SOS1: variants seen among roughly 807,000 people sequenced by gnomAD.
SOS1 encodes the protein son of sevenless homolog 1.
In SOS1, 25 loss-of-function variants were observed where a neutral mutation model predicts 157.6. The observed-to-expected ratio is 0.16, with a 90% confidence interval of 0.12 to 0.22. The LOEUF is 0.22. Ranked by LOEUF, SOS1 falls within the 10% of genes least tolerant of loss-of-function variation. The pLI, the probability that SOS1 is intolerant of heterozygous loss-of-function variation, is 1.00. For synonymous variants in SOS1, 528 were observed against 534.0 expected, an observed-to-expected ratio of 0.99 and a Z score of 0.16; for missense variants, 1,237 against 1,599.1, an observed-to-expected ratio of 0.77 and a Z score of 3.86.
rs557803711 is a variant in SOS1 at position 38,990,815 on chromosome 2, T to TA, written c.3347-1502dup. 4.6e-5 allele frequency among the ~76,000 whole-genome samples: 7 copies of TA among 152,336 alleles called. No homozygotes were observed. In the South Asian group the frequency reaches 1.4e-3, roughly 32 times the overall value. On this transcript the variant is annotated intron_variant, in intron 20 of 22. Transcript: ENST00000402219. ...CATGCATTTGGTAAATTTGGGGCAC[T>TA]AGTTGTCTTATTGCCTGGAAAATAC...
At chr2:38,991,609 T>C (rs961316674) in intron 20 of SOS1, among the ~76,000 whole-genome samples, 20 of 152,214 alleles carry the variant, frequency 1.3e-4, no homozygotes, top group African/African-American at 4.3e-4. Flanking sequence ...GAGCAGGGCT[T>C]TGAATGTATG....
intron 6 of SOS1, among the ~76,000 whole-genome samples, chr2:39,041,864 C>G (rs1670584118): frequency 6.6e-6 from 1 of 152,102 alleles, no homozygotes; most frequent in Admixed American, 6.5e-5. Flanking sequence ...TGAAGTTCTA[C>G]TCTTCATTTT....
chr2:39,107,081 CTTT>C (rs148975727), intron 1 of SOS1, among the ~76,000 whole-genome samples: 1 of 148,664 alleles, frequency 6.7e-6, no homozygotes, highest in African/African-American at 2.5e-5. Context: ...TTAAGGCATC[CTTT>C]TTTTTTTCTT....
intron 1 of SOS1, among the ~76,000 whole-genome samples, chr2:39,077,746 T>A (rs1265440498): frequency 6.6e-6 from 1 of 152,080 alleles, no homozygotes; most frequent in Admixed American, 6.6e-5. Flanking sequence ...TCATCCAATA[T>A]ATAGTGCTAG....
chr2:39,101,500 G>A (rs1464483139), intron 1 of SOS1, among the ~76,000 whole-genome samples: 1 of 151,950 alleles, frequency 6.6e-6, no homozygotes, highest in Non-Finnish European at 1.5e-5. Context: ...AGCATTATAT[G>A]TATCCTGACA....
chr2:38,991,730 TTA>T (rs746207337), intron 20 of SOS1, among the ~76,000 whole-genome samples: 4 of 152,220 alleles, frequency 2.6e-5, no homozygotes, highest in Non-Finnish European at 5.9e-5. Flanking sequence ...TCTCCAGTAT[TTA>T]TGTCTTTACC....
At chr2:39,086,293 G>C (rs1372446046) in intron 1 of SOS1, among the ~76,000 whole-genome samples, 1 of 152,116 alleles carries the variant, frequency 6.6e-6, no homozygotes. Context: ...TACAAGTGAA[G>C]GGAAGAGTAA....
chr2:39,107,663 G>GAA lies in SOS1; in HGVS notation c.87+12671_87+12672dup, dbSNP rs11464462. Among the ~76,000 whole-genome samples, 775 of 96,272 alleles carry GAA rather than the reference G, an allele frequency of 8.1e-3. 6 individuals are homozygous for GAA. Among genetic ancestry groups the GAA allele is most frequent in the African/African-American group, 0.022 (672 of 30,688 alleles). 63.2% of individuals were successfully genotyped at this position (96,272 alleles called of 152,430 possible). A position where few individuals can be genotyped will look rare whatever the true frequency, so the allele number is the denominator to read the frequency against. ...TCCCCTTGAAGCATCACACTAAAAA[G>GAA]AAAAAAAAAAAAAAAAAACCTAGCC... On this transcript the variant is annotated intron_variant, in intron 1 of 22. Transcript: ENST00000402219.
rs534107281 is a variant in SOS1, at chr2:39,038,732, C to CAAAAAA, written c.865-3238_865-3233dup. Among the ~76,000 whole-genome samples the CAAAAAA allele has an allele frequency of 1.8e-3, 33 of 18,218 alleles. 4 individuals are homozygous for CAAAAAA. Among genetic ancestry groups the CAAAAAA allele is most frequent in the African/African-American group, 3.9e-3 (16 of 4,052 alleles). 12.0% of individuals were successfully genotyped at this position (18,218 alleles called of 152,430 possible). On this transcript the variant is annotated intron_variant, in intron 6 of 22. Coordinates refer to ENST00000402219, the MANE Select transcript of SOS1 (RefSeq NM_005633.4). ...CTGGCAACAAAATGAGACTCCGTCT[C>CAAAAAA]AAAAAAAAAAAAAAAAGTCGTTTCT... is the stretch of plus-strand genomic sequence containing the variant.
At position 39,035,417 on chromosome 2, in the gene SOS1, T is replaced by C. The variant is rs773002027; in HGVS notation, c.948A>G (p.Ser316=). The change falls in exon 7 of 23, where the codon TCA becomes TCG. Residue 316 remains serine (S), a synonymous_variant. Coordinates refer to ENST00000402219, the MANE Select transcript of SOS1 (RefSeq NM_005633.4). The stretch of plus-strand genomic sequence containing the variant: ...GCAAATAAAGTGCTGCCCCAGGCTT[T>C]GATAACTGACTAAGGAAACGATCAT... ...GFHDRFLSQL[S]KPGAALYLQS... is the part of the protein sequence containing the mutation. 1 of 1,613,816 alleles carries C rather than the reference T, an allele frequency of 6.2e-7. No individual in the cohort carries two copies. The highest frequency in any genetic ancestry group is 1.7e-5 in the Admixed American group (1 of 60,028).
At chr2:39,080,518 T>C (rs1278102685) in intron 1 of SOS1, among the ~76,000 whole-genome samples, 1 of 152,222 alleles carries the variant, frequency 6.6e-6, no homozygotes, top group Non-Finnish European at 1.5e-5. Context: ...CTTTTCAATG[T>C]ATATTTCAAA....
chr2:39,081,294 C>T (rs778358670), intron 1 of SOS1, among the ~76,000 whole-genome samples: 1 of 152,012 alleles, frequency 6.6e-6, no homozygotes, highest in Admixed American at 6.6e-5. Context: ...CGTGGGCTGG[C>T]GGATCACTGG....
At chr2:39,010,552 C>CT in intron 15 of SOS1, 32 bp downstream of exon 15, 1 of 1,591,166 alleles carries the variant, frequency 6.3e-7, no homozygotes, top group Non-Finnish European at 8.6e-7. Flanking sequence ...TAGCTGACAG[C>CT]TATAAAATAT....
rs1668444662 is a variant in SOS1, at chr2:38,982,908, CTGT to C, written c.*2913_*2915del. The stretch of plus-strand genomic sequence containing the variant: ...GCTGACATAGTAATTGTTCTCTGGG[CTGT>C]TGTTGACTGTAGTATTAGTGTGGCA... On this transcript the variant is annotated 3_prime_UTR_variant, in exon 23 of 23. Coordinates refer to ENST00000402219, the MANE Select transcript of SOS1 (RefSeq NM_005633.4). The C allele has an allele frequency of 6.6e-6, 1 of 152,124 alleles. No individual in the cohort carries two copies. Among genetic ancestry groups the C allele is most frequent in the East Asian group, 1.9e-4 (1 of 5,198 alleles). The allele number at this position is 152,124 out of a possible 1,614,324, so 9.4% of individuals were successfully genotyped here.
intron 1 of SOS1, among the ~76,000 whole-genome samples, chr2:39,095,099 C>A (rs1049107665): frequency 6.6e-6 from 1 of 152,180 alleles, no homozygotes; most frequent in African/African-American, 2.4e-5. Context: ...TACAGTTAGA[C>A]TGAATGAAGT....
chr2:39,100,582 C>T (rs147127645), intron 1 of SOS1, among the ~76,000 whole-genome samples: 97 of 152,204 alleles, frequency 6.4e-4, no homozygotes, highest in African/African-American at 2.3e-3. Context: ...CTGATGACAT[C>T]GCTTATATAT....
At chr2:39,006,916 TCTA>T in intron 16 of SOS1, 112 bp downstream of exon 16, 1 of 760,596 alleles carries the variant, frequency 1.3e-6, no homozygotes, top group Non-Finnish European at 2.3e-6. Flanking sequence ...AGTCTTTTAA[TCTA>T]CTACTGAAAA....
intron 6 of SOS1, among the ~76,000 whole-genome samples, chr2:39,048,166 T>G (rs1251302294): frequency 2.0e-5 from 3 of 152,230 alleles, no homozygotes; most frequent in African/African-American, 7.2e-5. Context: ...TAAGAAATCT[T>G]TGTGTATTTC....
At chr2:39,121,218 T>G (rs550070539), upstream of SOS1, among the ~76,000 whole-genome samples, 37 of 152,000 alleles carry the variant, frequency 2.4e-4, 1 homozygote, top group South Asian at 7.3e-3. Context: ...GCCCGAGAAG[T>G]CGCACCCTGG....
Sources: gnomAD v4.1 joint callset for allele counts (sites outside exome capture counted in the v4.1 genomes callset) on GRCh38, gnomAD v4.1.1 for gene constraint, MANE v1.5 for transcripts, NCBI Gene and HGNC (gene_info 2026-07-23, HGNC 2026-07-21) for gene names.